LRRK1: variants seen among roughly 807,000 people sequenced by gnomAD.
The protein encoded by LRRK1 is leucine-rich repeat serine/threonine-protein kinase 1.
A neutral mutation model predicts 209.1 loss-of-function variants in LRRK1; 113 were observed. The observed-to-expected ratio is 0.54, with a 90% CI of 0.46 to 0.63. The LOEUF is 0.63. LRRK1 is among the 30% of genes least tolerant of loss of function. The pLI is 0.00. For synonymous variants in LRRK1, 1,144 were observed against 1,099.7 expected, an observed-to-expected ratio of 1.04 and a Z score of -0.80; for missense variants, 2,284 against 2,632.2, an observed-to-expected ratio of 0.87 and a Z score of 2.89.
chr15:101,062,757 AGCTATGTCAGGGT>A, intron 31 of LRRK1, 67 bp downstream of exon 31: 1 of 1,181,802 alleles, frequency 8.5e-7, no homozygotes, highest in Non-Finnish European at 1.3e-6. Flanking sequence ...GGCGTCTCCT[AGCTATGTCAGGGT>A]GGCGCCTGCA....
intron 6 of LRRK1, among the ~76,000 whole-genome samples, chr15:100,999,952 G>A (rs187941102): frequency 6.6e-6 from 1 of 152,244 alleles, no homozygotes; most frequent in East Asian, 1.9e-4. Flanking sequence ...TCATTTATCT[G>A]GTTTCAACGG....
chr15:100,963,493 G>C (rs376798229), intron 2 of LRRK1, among the ~76,000 whole-genome samples: 1 of 152,192 alleles, frequency 6.6e-6, no homozygotes, highest in Admixed American at 6.5e-5. Context: ...GTTAAGTGAC[G>C]TGAGTCCAGT....
chr15:100,983,782 G>T, intron 4 of LRRK1, 83 bp downstream of exon 4: 1 of 1,321,312 alleles, frequency 7.6e-7, no homozygotes. Context: ...ACTTCTTCAT[G>T]CTTTCACCAA....
In LRRK1 at chr15:101,051,776, G is replaced by A. The variant is rs755387791; in HGVS notation, c.3505G>A (p.Glu1169Lys). ...MEQYVPCPVC[E>K]TAWAQHTDPS... ...GCAGTACGTGCCCTGCCCGGTCTGC[G>A]AGACAGCCTGGGCCCAGCACACGGA... is the stretch of plus-strand genomic sequence containing the variant. The change falls in exon 24 of 34, where the codon GAG (glutamate) becomes AAG (lysine). Residue 1169 changes from glutamate to lysine, a missense_variant. By Grantham distance (56) the Glu-to-Lys change is moderately conservative. This residue lies in a region of LRRK1 where 780 missense variants were observed against 985.2 expected (regional missense o/e 0.79). Transcript: ENST00000388948. The A allele has an allele frequency of 1.9e-6, 3 of 1,614,058 alleles. No individual in the cohort carries two copies. Among genetic ancestry groups the A allele is most frequent in the Non-Finnish European group, 2.5e-6 (3 of 1,180,020 alleles).
intron 29 of LRRK1, among the ~76,000 whole-genome samples, chr15:101,058,678 G>A (rs1186798067): frequency 6.7e-6 from 1 of 150,230 alleles, no homozygotes; most frequent in Non-Finnish European, 1.5e-5. Flanking sequence ...CAGAGGCATT[G>A]GGGTGTTTTC....
chr15:100,970,190 C>T (rs1439600731), intron 2 of LRRK1, among the ~76,000 whole-genome samples: 1 of 152,134 alleles, frequency 6.6e-6, no homozygotes, highest in Non-Finnish European at 1.5e-5. Flanking sequence ...GCATGAGCCA[C>T]CGCACCCAGC....
chr15:101,066,796 G>GA, intron 33 of LRRK1, 55 bp downstream of exon 33: 1 of 1,397,274 alleles, frequency 7.2e-7, no homozygotes, highest in Non-Finnish European at 1.0e-6. Context: ...AGCACAGAAG[G>GA]CCCTGCAGCC....
rs1029164425 is a variant in LRRK1, at chr15:101,024,652, C to T, written c.2068-151C>T. 3 of 824,724 alleles carry T rather than the reference C, an allele frequency of 3.6e-6. No individual in the cohort carries two copies. Among genetic ancestry groups the T allele is most frequent in the Non-Finnish European group, 5.6e-6 (3 of 531,980 alleles). 51.1% of individuals were successfully genotyped at this position (824,724 alleles called of 1,614,324 possible). A position where few individuals can be genotyped will look rare whatever the true frequency, so the allele number is the denominator to read the frequency against. On this transcript the variant is annotated intron_variant, in intron 15 of 33. Transcript: ENST00000388948. This position sits in a 1 kb window ranked among gnomAD's most constrained non-coding sequence, Gnocchi z 4.6. ...CTGTCCCTCGCCCAGATAACTGTTT[C>T]CTAAGAAACAATAGAGTGTCCAGAA...
chr15:101,056,377 A>G (rs1482890990), intron 27 of LRRK1, among the ~76,000 whole-genome samples: 1 of 152,240 alleles, frequency 6.6e-6, no homozygotes, highest in Non-Finnish European at 1.5e-5. Context: ...GTCCTTAATC[A>G]GTGACTAACA....
intron 31 of LRRK1, among the ~76,000 whole-genome samples, chr15:101,063,752 A>G (rs909126715): frequency 6.6e-6 from 1 of 151,744 alleles, no homozygotes; most frequent in Non-Finnish European, 1.5e-5. Context: ...TATTATTATT[A>G]CTTCTGGATG....
Position 101,065,601 on chromosome 15 carries a change from G to C in LRRK1, c.5164G>C (p.Glu1722Gln). 6.2e-7 allele frequency: 1 copy of C among 1,614,222 alleles called. No homozygotes were observed. Among genetic ancestry groups the C allele is most frequent in the South Asian group, 1.1e-5 (1 of 91,084 alleles). Reference sequence around the variant, plus strand: ...CCTTGTCATCGACTGTGCCTCCCTGGAGATCTGCAGGCGGCTGGAGCCCTA... The same window carrying C: ...CCTTGTCATCGACTGTGCCTCCCTGCAGATCTGCAGGCGGCTGGAGCCCTA... ...GLLVIDCASLEICRRLEPYMA... is the reference protein window; with the variant it reads ...GLLVIDCASLQICRRLEPYMA... The change falls in exon 32 of 34, where the codon GAG becomes CAG. Residue 1722 changes from glutamate (E) to glutamine (Q), a missense_variant. Physicochemically the swap from Glu to Gln is conservative, Grantham distance 29. Transcript: ENST00000388948.
At chr15:101,013,176 G>A (rs7172372) in intron 10 of LRRK1, among the ~76,000 whole-genome samples, 2 of 151,678 alleles carry the variant, frequency 1.3e-5, no homozygotes, top group African/African-American at 2.4e-5. Context: ...GGGGGCTTGG[G>A]GGACCCTGAG....
rs566200566 is a variant in LRRK1, at chr15:101,077,134, T to G, written c.*8286T>G. 2 of 152,202 alleles carry G rather than the reference T, an allele frequency of 1.3e-5. No homozygotes were observed. Among genetic ancestry groups the G allele is most frequent in the Non-Finnish European group, 2.9e-5 (2 of 68,036 alleles). 9.4% of individuals were successfully genotyped at this position (152,202 alleles called of 1,614,324 possible). ...AGACTGGACAATACTTTTACCACTT[T>G]CCCTTCTCAGAATTCAGGCCTGTCC... is the stretch of plus-strand genomic sequence containing the variant. On this transcript the variant is annotated 3_prime_UTR_variant, in exon 34 of 34. Coordinates refer to ENST00000388948, the MANE Select transcript of LRRK1 (RefSeq NM_024652.6).
intron 2 of LRRK1, among the ~76,000 whole-genome samples, chr15:100,948,334 C>T (rs755584238): frequency 6.6e-6 from 1 of 152,182 alleles, no homozygotes; most frequent in Non-Finnish European, 1.5e-5. Flanking sequence ...CCAGATGGGA[C>T]ACCTCCTCAT....
rs377393352 is a variant in LRRK1 at position 100,954,727 on chromosome 15, C to T, written c.98-19077C>T. ...TTGCATGTAGATGTCCAGTTTTTTTCGACACTATTTATTGAAAAGGCCATT... is the reference window on the plus strand; with the variant it reads ...TTGCATGTAGATGTCCAGTTTTTTTTGACACTATTTATTGAAAAGGCCATT... On this transcript the variant is annotated intron_variant, in intron 2 of 33. Coordinates refer to ENST00000388948, the MANE Select transcript of LRRK1 (RefSeq NM_024652.6). Among the ~76,000 whole-genome samples the T allele has an allele frequency of 1.3e-4, 20 of 152,154 alleles. 1 individual carries two copies. In the East Asian group the frequency reaches 2.3e-3, roughly 18 times the overall value.
At chr15:100,931,622 G>C (rs2141598376) in intron 2 of LRRK1, among the ~76,000 whole-genome samples, 1 of 152,264 alleles carries the variant, frequency 6.6e-6, no homozygotes, top group South Asian at 2.1e-4. Flanking sequence ...AAGGTTCAGG[G>C]CCTCGATCTG....
Position 101,027,305 on chromosome 15 carries a change from A to G in LRRK1, c.2450A>G (p.Gln817Arg). ...KSLEGQEGLR[Q>R]LIFHVTCSMK... ...CTGGAAGGTCAGGAAGGGCTGCGAC[A>G]GCTGATTTTCCACGTCACGTGCAGC... Residue 817 changes from glutamine (Q) to arginine (R), a missense_variant, in exon 18 of 34, where the codon CAG becomes CGG. Gln to Arg is a conservative substitution (Grantham distance 43). This residue lies in a region of LRRK1 where 780 missense variants were observed against 985.2 expected (regional missense o/e 0.79). Coordinates refer to ENST00000388948, the MANE Select transcript of LRRK1 (RefSeq NM_024652.6). This position sits in a 1 kb window ranked among gnomAD's most constrained non-coding sequence, Gnocchi z 5.1. 6.2e-7 allele frequency: 1 copy of G among 1,614,122 alleles called. No homozygotes were observed. Among genetic ancestry groups the G allele is most frequent in the East Asian group, 2.2e-5 (1 of 44,868 alleles).
At chr15:101,055,521 C>T (rs974969361) in intron 27 of LRRK1, among the ~76,000 whole-genome samples, 2 of 152,142 alleles carry the variant, frequency 1.3e-5, no homozygotes, top group South Asian at 2.1e-4. Context: ...AGAAACAGGT[C>T]TGGATTTGGG....
chr15:100,962,695 T>C (rs1350527600), intron 2 of LRRK1, among the ~76,000 whole-genome samples: 1 of 149,008 alleles, frequency 6.7e-6, no homozygotes, highest in East Asian at 2.0e-4. Context: ...AATAATAGAC[T>C]GTATGTATTA....
Sources: allele counts gnomAD v4.1 joint callset (sites outside exome capture counted in the v4.1 genomes callset), GRCh38; gene constraint gnomAD v4.1.1; regional missense constraint gnomAD v4.1.1; non-coding constraint Gnocchi (gnomAD v3.1); transcripts MANE v1.5; gene names NCBI Gene and HGNC (gene_info 2026-07-23, HGNC 2026-07-21).